The following PELI2 variants were observed in gnomAD, a reference collection of about 807,000 sequenced individuals.
PELI2 encodes the protein pellino E3 ubiquitin protein ligase family member 2.
A neutral mutation model predicts 42.3 loss-of-function variants in PELI2; 23 were observed. The ratio of observed to expected loss-of-function variants is 0.54; its 90% confidence interval spans 0.39 to 0.77. The LOEUF is 0.77. PELI2 is among the 30% of genes least tolerant of loss of function. The pLI, the probability that PELI2 is intolerant of heterozygous loss-of-function variation, is 0.00. For missense variants in PELI2, 463 were observed against 553.2 expected, an observed-to-expected ratio of 0.84 and a Z score of 1.64; for synonymous variants, 245 against 212.2, an observed-to-expected ratio of 1.15 and a Z score of -1.34.
chr14:56,280,565 T>G (rs1227982550), intron 3 of PELI2, among the ~76,000 whole-genome samples: 1 of 152,050 alleles, frequency 6.6e-6, no homozygotes, highest in Non-Finnish European at 1.5e-5. Context: ...AATTATTACA[T>G]AAATGATGTC....
At chr14:56,162,699 G>T (rs1884809965) in intron 1 of PELI2, among the ~76,000 whole-genome samples, 1 of 152,072 alleles carries the variant, frequency 6.6e-6, no homozygotes, top group Non-Finnish European at 1.5e-5. Context: ...TGTTCTTATA[G>T]TGGTTGTACT....
At chr14:56,131,312 G>T (rs1719644411) in intron 1 of PELI2, among the ~76,000 whole-genome samples, 1 of 152,360 alleles carries the variant, frequency 6.6e-6, no homozygotes, top group South Asian at 2.1e-4. Flanking sequence ...GCTTTACACT[G>T]TATAGTTTGA....
chr14:56,165,999 TA>T (rs765831421), intron 1 of PELI2, among the ~76,000 whole-genome samples: 16 of 152,214 alleles, frequency 1.1e-4, no homozygotes, highest in Non-Finnish European at 1.0e-4. Context: ...TCATTATTAA[TA>T]AGGGTTTCTG....
chr14:56,171,724 A>G (rs1196915605), intron 1 of PELI2, among the ~76,000 whole-genome samples: 1 of 152,148 alleles, frequency 6.6e-6, no homozygotes, highest in Non-Finnish European at 1.5e-5. Context: ...CTTAAAATAG[A>G]TTGGGGACCA....
chr14:56,144,920 T>C, intron 1 of PELI2: 2 of 953,964 alleles, frequency 2.1e-6, no homozygotes, highest in Non-Finnish European at 1.2e-6. Flanking sequence ...TTACTGACTT[T>C]ACTCTTTGCC....
chr14:56,164,174 G>A (rs1884868620), intron 1 of PELI2, among the ~76,000 whole-genome samples: 1 of 152,018 alleles, frequency 6.6e-6, no homozygotes, highest in Non-Finnish European at 1.5e-5. Context: ...TACTAGCTGT[G>A]GGTCTGTCAT....
chr14:56,127,041 A>G (rs1438776019), intron 1 of PELI2, among the ~76,000 whole-genome samples: 3 of 152,232 alleles, frequency 2.0e-5, no homozygotes, highest in Non-Finnish European at 4.4e-5. Context: ...TATTCCAAAC[A>G]TTAAGTACTG....
intron 3 of PELI2, among the ~76,000 whole-genome samples, chr14:56,286,657 T>C (rs1472063979): frequency 6.6e-6 from 1 of 152,190 alleles, no homozygotes; most frequent in East Asian, 1.9e-4. Context: ...GTTGATCCAG[T>C]AGTCAAAAGA....
Position 56,118,424 on chromosome 14 carries a change from G to A in PELI2, c.-237G>A. 3.5e-6 allele frequency: 1 copy of A among 285,908 alleles called. No individual in the cohort carries two copies. The highest frequency in any genetic ancestry group is 6.4e-6 in the Non-Finnish European group (1 of 155,056). The allele number at this position is 285,908 out of a possible 1,614,324, so 17.7% of individuals were successfully genotyped here. ...CTGCTGCCGGGTCCCATTTGTTGCCGGCTCTGACTCGGGGCGGCCGCGGCG... is the reference window on the plus strand; with the variant it reads ...CTGCTGCCGGGTCCCATTTGTTGCCAGCTCTGACTCGGGGCGGCCGCGGCG... On this transcript the variant is annotated 5_prime_UTR_variant, in exon 1 of 6. Transcript: ENST00000267460.
intron 2 of PELI2, among the ~76,000 whole-genome samples, chr14:56,243,182 G>C (rs114006349): frequency 6.6e-6 from 1 of 152,194 alleles, no homozygotes; most frequent in African/African-American, 2.4e-5. Context: ...GGAGTAACTT[G>C]GTAGGTCATG....
At chr14:56,247,486 C>T (rs1382976) in intron 2 of PELI2, among the ~76,000 whole-genome samples, 61,366 of 152,030 alleles carry the variant, frequency 0.4, 13,108 homozygotes, top group South Asian at 0.53. Context: ...TATAAATGTA[C>T]ATTTATCACT....
At chr14:56,251,472 C>T (rs886595419) in intron 2 of PELI2, among the ~76,000 whole-genome samples, 14 of 152,122 alleles carry the variant, frequency 9.2e-5, no homozygotes, top group Non-Finnish European at 1.3e-4. Context: ...ATCAAGCAGC[C>T]GTAGTTTCTG....
In PELI2 at chr14:56,118,641, C is replaced by T; in HGVS notation, c.-20C>T. On this transcript the variant is annotated 5_prime_UTR_variant, in exon 1 of 6. Transcript: ENST00000267460. ...GAGGCGGCGGCGTCGGCGGCGGCGT[C>T]GGCGGCCGAGCGGGGCTCCATGTTT... is the stretch of plus-strand genomic sequence containing the variant. 7.3e-7 allele frequency: 1 copy of T among 1,373,082 alleles called. No homozygotes were observed. Among genetic ancestry groups the T allele is most frequent in the Non-Finnish European group, 9.5e-7 (1 of 1,055,666 alleles). The allele number at this position is 1,373,082 out of a possible 1,614,324, so 85.1% of individuals were successfully genotyped here. A position where few individuals can be genotyped will look rare whatever the true frequency, so the allele number is the denominator to read the frequency against.
chr14:56,250,071 C>T (rs1485604353), intron 2 of PELI2, among the ~76,000 whole-genome samples: 2 of 152,108 alleles, frequency 1.3e-5, no homozygotes, highest in Non-Finnish European at 2.9e-5. Context: ...GAGGATGCTC[C>T]AAATGGGGCT....
intron 1 of PELI2, among the ~76,000 whole-genome samples, chr14:56,140,594 A>G (rs1211816496): frequency 2.0e-5 from 3 of 152,238 alleles, no homozygotes; most frequent in Admixed American, 1.3e-4. Context: ...ATGCCATACA[A>G]TCCTCAGTAG....
At chr14:56,235,312 C>A (rs567880563) in intron 2 of PELI2, among the ~76,000 whole-genome samples, 1 of 152,146 alleles carries the variant, frequency 6.6e-6, no homozygotes, top group Non-Finnish European at 1.5e-5. Flanking sequence ...ATTATAACTA[C>A]AATGTCAAGA....
intron 2 of PELI2, among the ~76,000 whole-genome samples, chr14:56,253,714 C>T (rs141749400): frequency 2.0e-5 from 3 of 152,182 alleles, no homozygotes; most frequent in East Asian, 3.9e-4. Context: ...CACAAGCAAA[C>T]GGAAAAACAT....
intron 5 of PELI2, chr14:56,292,772 G>C: frequency 1.0e-6 from 1 of 978,500 alleles, no homozygotes; most frequent in Non-Finnish European, 1.2e-6. Flanking sequence ...ATTAAATATG[G>C]GGGAAATGTC....
rs761073081 is a variant in PELI2 at position 56,288,456 on chromosome 14, G to A, written c.329G>A (p.Ser110Asn). 2 of 1,613,920 alleles carry A rather than the reference G, an allele frequency of 1.2e-6. No homozygotes were observed. Among genetic ancestry groups the A allele is most frequent in the Non-Finnish European group, 1.7e-6 (2 of 1,179,912 alleles). Residue 110 changes from serine (S) to asparagine (N), a missense_variant, in exon 4 of 6, where the codon AGC becomes AAC. This residue lies in a region of PELI2 where 343 missense variants were observed against 378.4 expected (regional missense o/e 0.91). Coordinates refer to ENST00000267460, the MANE Select transcript of PELI2 (RefSeq NM_021255.3). This position sits in a 1 kb window ranked among gnomAD's most constrained non-coding sequence, Gnocchi z 4.6. ...ACTTAGGTGGGCAGATCAACAGAAA[G>A]CCCTATCGACTTCGTTGTCACAGAC... ...DMFQVGRSTE[S>N]PIDFVVTDTI... is the part of the protein sequence containing the mutation.
Sources: allele counts gnomAD v4.1 joint callset (sites outside exome capture counted in the v4.1 genomes callset), GRCh38; gene constraint gnomAD v4.1.1; regional missense constraint gnomAD v4.1.1; non-coding constraint Gnocchi (gnomAD v3.1); transcripts MANE v1.5; gene names NCBI Gene and HGNC (gene_info 2026-07-23, HGNC 2026-07-21).